GRAMD4: variants seen among roughly 807,000 people sequenced by gnomAD.
GRAMD4 encodes the protein GRAM domain-containing protein 4.
In GRAMD4, 25 loss-of-function variants were observed where a neutral mutation model predicts 83.9. The observed-to-expected ratio is 0.30, with a 90% CI of 0.22 to 0.42. GRAMD4 has a LOEUF of 0.42. Among genes scored for constraint, GRAMD4 ranks in the 10% least tolerant of loss-of-function variants. The pLI, the probability that GRAMD4 is intolerant of heterozygous loss-of-function variation, is 1.00. For missense variants in GRAMD4, 593 were observed against 788.7 expected (o/e 0.75, Z 2.97); for synonymous variants, 336 against 320.9 (o/e 1.05, Z -0.50).
upstream of GRAMD4, chr22:46,620,272 C>T: frequency 1.0e-6 from 1 of 982,894 alleles, no homozygotes; most frequent in Non-Finnish European, 1.2e-6. This position sits in a 1 kb window ranked among gnomAD's most constrained non-coding sequence, Gnocchi z 4.7. Flanking sequence ...CTGGCTGGCC[C>T]AATTCCGTCC....
At chr22:46,662,210 T>C (rs2082338232) in intron 5 of GRAMD4, among the ~76,000 whole-genome samples, 1 of 152,156 alleles carries the variant, frequency 6.6e-6, no homozygotes, top group African/African-American at 2.4e-5. Flanking sequence ...CCTGGCCCCA[T>C]CCTCCCTGCC....
intron 3 of GRAMD4, among the ~76,000 whole-genome samples, chr22:46,640,214 G>C (rs184384732): frequency 6.6e-6 from 1 of 152,158 alleles, no homozygotes; most frequent in South Asian, 2.1e-4. Context: ...GAATATTGAC[G>C]GTTTTTCAGT....
upstream of GRAMD4, among the ~76,000 whole-genome samples, chr22:46,616,789 T>TGC (rs201054337): frequency 6.9e-6 from 1 of 145,306 alleles, no homozygotes; most frequent in Non-Finnish European, 1.5e-5. Flanking sequence ...GGTTCCCCTG[T>TGC]GTGTAGGTTC....
intron 1 of GRAMD4, among the ~76,000 whole-genome samples, chr22:46,626,080 G>A (rs1047337556): frequency 2.0e-5 from 3 of 152,210 alleles, no homozygotes; most frequent in East Asian, 1.9e-4. Context: ...GAGCCTGGTC[G>A]CATGGCGAGT....
intron 17 of GRAMD4, among the ~76,000 whole-genome samples, chr22:46,676,097 G>A (rs1000495348): frequency 3.3e-5 from 5 of 152,194 alleles, no homozygotes; most frequent in South Asian, 2.1e-4. Flanking sequence ...TCCCAGCTCC[G>A]AGCGTCCTGG....
intron 2 of GRAMD4, among the ~76,000 whole-genome samples, chr22:46,632,960 T>G (rs2081797804): frequency 6.6e-6 from 1 of 152,170 alleles, no homozygotes; most frequent in African/African-American, 2.4e-5. Flanking sequence ...CACATGTCTG[T>G]TATGGGGACC....
Position 46,672,623 on chromosome 22 carries a change from G to A in GRAMD4, c.1085-220G>A, listed in dbSNP as rs1037760263. 1.3e-5 allele frequency among the ~76,000 whole-genome samples: 2 copies of A among 151,916 alleles called. No homozygotes were observed. The highest frequency in any genetic ancestry group is 3.9e-4 in the East Asian group (2 of 5,158). ...GAGTGGGTGGGGCGCTGGCAGTGGG[G>A]CCCTCGCCTGGGGTTGAGACTGTGC... On this transcript the variant is annotated intron_variant, in intron 13 of 18. Coordinates refer to ENST00000406902, the MANE Select transcript of GRAMD4 (RefSeq NM_015124.5). The surrounding 1 kb of genome is among the most constrained non-coding windows in gnomAD (Gnocchi z 4.7).
chr22:46,643,674 T>G (rs878928453), intron 3 of GRAMD4, among the ~76,000 whole-genome samples: 23 of 152,284 alleles, frequency 1.5e-4, no homozygotes, highest in Middle Eastern at 3.4e-3. Context: ...GATATTGACG[T>G]TTTTGAAGAG....
chr22:46,605,874 C>T (rs62233572), intron 1 of GRAMD4, among the ~76,000 whole-genome samples: 1 of 137,744 alleles, frequency 7.3e-6, no homozygotes, highest in Non-Finnish European at 1.6e-5. Context: ...TGCTGAGCAT[C>T]TCTGCATGGG....
At chr22:46,578,307 G>A (rs1459372187) in intron 1 of GRAMD4, among the ~76,000 whole-genome samples, 1 of 152,094 alleles carries the variant, frequency 6.6e-6, no homozygotes, top group Non-Finnish European at 1.5e-5. Context: ...TGGGAGGGAG[G>A]TCAGGGTCAG....
chr22:46,649,950 G>A (rs1160942018), intron 3 of GRAMD4, among the ~76,000 whole-genome samples: 1 of 152,174 alleles, frequency 6.6e-6, no homozygotes, highest in Admixed American at 6.5e-5. Context: ...TGGAGGGAGT[G>A]CCTGTCTTCT....
rs373519394 is a variant in GRAMD4 at position 46,634,180 on chromosome 22, G to T, written c.163-3660G>T. ...TGGGGGAGTGTGGCAGGTTCCCTCGGTGGGGAGCGAGGCTGCAGAGGTGCC... is the reference window on the plus strand; with the variant it reads ...TGGGGGAGTGTGGCAGGTTCCCTCGTTGGGGAGCGAGGCTGCAGAGGTGCC... On this transcript the variant is annotated intron_variant, in intron 2 of 18. Coordinates refer to ENST00000406902, the MANE Select transcript of GRAMD4 (RefSeq NM_015124.5). 5.2e-3 allele frequency among the ~76,000 whole-genome samples: 789 copies of T among 152,320 alleles called. 3 individuals carry two copies. The highest frequency in any genetic ancestry group is 0.018 in the African/African-American group (734 of 41,566).
At chr22:46,599,913 T>C (rs2081296365) in intron 1 of GRAMD4, among the ~76,000 whole-genome samples, 1 of 151,760 alleles carries the variant, frequency 6.6e-6, no homozygotes, top group Non-Finnish European at 1.5e-5. Flanking sequence ...TAGTCCTGAG[T>C]CAGTGAGAAT....
chr22:46,678,220 A>G lies in GRAMD4; in HGVS notation c.*969A>G, dbSNP rs1419968867. The stretch of plus-strand genomic sequence containing the variant: ...AAGTGGGGAGGAGTGTTCCGGGACC[A>G]TGGTGGCCCAGGCTGCAGCCGCCTT... On this transcript the variant is annotated 3_prime_UTR_variant, in exon 19 of 19. Coordinates refer to ENST00000406902, the MANE Select transcript of GRAMD4 (RefSeq NM_015124.5). The G allele has an allele frequency of 2.2e-5, 22 of 985,132 alleles. No individual in the cohort carries two copies. Among genetic ancestry groups the G allele is most frequent in the Non-Finnish European group, 2.5e-5 (21 of 829,768 alleles). The allele number at this position is 985,132 out of a possible 1,614,324, so 61.0% of individuals were successfully genotyped here.
chr22:46,618,966 C>T (rs148376194), upstream of GRAMD4, among the ~76,000 whole-genome samples: 243 of 152,316 alleles, frequency 1.6e-3, no homozygotes, highest in African/African-American at 5.6e-3. The surrounding 1 kb of genome is among the most constrained non-coding windows in gnomAD (Gnocchi z 5.8). Flanking sequence ...CGGCTTGGAG[C>T]CTGCAGGGAG....
At chr22:46,613,011 G>A (rs1040049120) in intron 1 of GRAMD4, among the ~76,000 whole-genome samples, 1 of 152,232 alleles carries the variant, frequency 6.6e-6, no homozygotes. Flanking sequence ...GACTAGCAGC[G>A]TCTTGGGATG....
intron 13 of GRAMD4, among the ~76,000 whole-genome samples, chr22:46,670,331 C>T (rs2082483012): frequency 6.6e-6 from 1 of 152,234 alleles, no homozygotes; most frequent in South Asian, 2.1e-4. Context: ...TCACTGTGGC[C>T]ATCAGGTGGC....
chr22:46,666,982 C>T, intron 10 of GRAMD4, 109 bp downstream of exon 10: 2 of 756,316 alleles, frequency 2.6e-6, no homozygotes, highest in Non-Finnish European at 4.2e-6. Context: ...ATGTGGTCAT[C>T]CCCCTGGAGT....
rs149461356 is a variant in GRAMD4 at position 46,654,423 on chromosome 22, C to T, written c.284-3764C>T. The stretch of plus-strand genomic sequence containing the variant: ...GTCCCCTCTGTTCATGGTGGTGTCC[C>T]GGCGCCTTGGCAGAGCCCGGCGTGT... On this transcript the variant is annotated intron_variant, in intron 3 of 18. Transcript: ENST00000406902. Among the ~76,000 whole-genome samples, 98 of 152,304 alleles carry T rather than the reference C, an allele frequency of 6.4e-4. No individual in the cohort carries two copies. The East Asian group carries it at 0.016, about 25-fold the overall frequency.
Sources: allele counts gnomAD v4.1 joint callset (sites outside exome capture counted in the v4.1 genomes callset), GRCh38; gene constraint gnomAD v4.1.1; non-coding constraint Gnocchi (gnomAD v3.1); transcripts MANE v1.5; gene names NCBI Gene and HGNC (gene_info 2026-07-23, HGNC 2026-07-21).